Variants in TCF12 observed in about 807,000 individuals in gnomAD.
The protein encoded by TCF12 is DNA-binding protein HTF4.
A neutral mutation model predicts 86.0 loss-of-function variants in TCF12; 45 were observed. That is an observed-to-expected ratio of 0.52 (90% CI 0.41 to 0.67). The LOEUF (loss-of-function observed/expected upper bound fraction) is 0.67, where lower values mean the gene tolerates loss of function less well. Ranked by LOEUF, TCF12 falls within the 30% of genes least tolerant of loss-of-function variation. The pLI is 0.00. For missense variants in TCF12, 881 were observed against 859.9 expected (o/e 1.02, Z -0.31); for synonymous variants, 330 against 299.6 (o/e 1.10, Z -1.05).
intron 11 of TCF12, among the ~76,000 whole-genome samples, 190 bp from the exon 12 acceptor site, chr15:57,233,853 T>A (rs2059272024): frequency 6.6e-6 from 1 of 152,208 alleles, no homozygotes; most frequent in African/African-American, 2.4e-5. Flanking sequence ...TTTTTTATTA[T>A]CATCAATATA....
intron 5 of TCF12, among the ~76,000 whole-genome samples, chr15:57,155,441 A>C (rs1302660631): frequency 6.6e-6 from 1 of 152,160 alleles, no homozygotes; most frequent in African/African-American, 2.4e-5. Context: ...GCAATACTGG[A>C]GACAGCTCAA....
intron 6 of TCF12, among the ~76,000 whole-genome samples, chr15:57,187,260 T>A (rs1303611030): frequency 6.6e-6 from 1 of 152,080 alleles, no homozygotes; most frequent in Non-Finnish European, 1.5e-5. Context: ...GGGAGGGAAC[T>A]TAACTCCATT....
chr15:57,150,870 T>TGTCC (rs2053684918), intron 5 of TCF12, among the ~76,000 whole-genome samples: 1 of 70,832 alleles, frequency 1.4e-5, no homozygotes, highest in East Asian at 4.5e-4. Context: ...TCTCCCCCTC[T>TGTCC]GTCCCTTCCT....
chr15:57,254,361 A>G (rs960472976), intron 16 of TCF12, among the ~76,000 whole-genome samples: 1 of 152,068 alleles, frequency 6.6e-6, no homozygotes, highest in Non-Finnish European at 1.5e-5. Flanking sequence ...ACATACATAC[A>G]CTCATTTTTG....
At chr15:57,234,389 T>C (rs1566960024) in intron 12 of TCF12, among the ~76,000 whole-genome samples, 1 of 152,200 alleles carries the variant, frequency 6.6e-6, no homozygotes, top group African/African-American at 2.4e-5. Flanking sequence ...AAGTGGTCCA[T>C]TAAAATAAGT....
intron 3 of TCF12, among the ~76,000 whole-genome samples, chr15:56,953,818 A>G (rs2140474367): frequency 7.1e-6 from 1 of 141,154 alleles, no homozygotes; most frequent in Admixed American, 7.3e-5. Flanking sequence ...CACTGTGGCT[A>G]AAAGTTTATC....
At chr15:56,927,344 G>T (rs1255161557) in intron 3 of TCF12, among the ~76,000 whole-genome samples, 1 of 152,070 alleles carries the variant, frequency 6.6e-6, no homozygotes, top group Non-Finnish European at 1.5e-5. Context: ...AAAGCAAAAG[G>T]GGAAAAATTA....
chr15:57,279,817 A>G (rs928727592), intron 19 of TCF12, among the ~76,000 whole-genome samples: 3 of 150,792 alleles, frequency 2.0e-5, no homozygotes, highest in African/African-American at 7.3e-5. Context: ...TAAGTTTTAC[A>G]TGCTAATCCA....
rs1377898180 is a variant in TCF12 at position 57,252,476 on chromosome 15, TA to T, written c.1247del (p.Lys416ArgfsTer13). 6.2e-7 allele frequency: 1 copy of T among 1,613,934 alleles called. No homozygotes were observed. Among genetic ancestry groups the T allele is most frequent in the Admixed American group, 1.7e-5 (1 of 60,014 alleles). ...CATTTGCAAGATGCAATGTCCTTCT[TA>T]AAGGATGTCTGTGAGGTACTATTTC... ...HEHLQDAMSF[L>X]KDVCEQSRME... On this transcript the variant is annotated frameshift_variant, in exon 15 of 21. Coordinates refer to ENST00000333725, the MANE Select transcript of TCF12 (RefSeq NM_207037.2). LOFTEE classifies it high-confidence loss of function.
At chr15:57,075,919 AGTGACACGATCGTGGCCTATT>A (rs1455784432) in intron 4 of TCF12, among the ~76,000 whole-genome samples, 1 of 148,748 alleles carries the variant, frequency 6.7e-6, no homozygotes, top group African/African-American at 2.5e-5. Context: ...GCTAGAGTAC[AGTGACACGATCGTGGCCTATT>A]GCAGCATTGA....
At chr15:57,035,035 T>C in intron 3 of TCF12, among the ~76,000 whole-genome samples, 1 of 152,296 alleles carries the variant, frequency 6.6e-6, no homozygotes, top group African/African-American at 2.4e-5. Flanking sequence ...GCGCATATAT[T>C]AGAAACTAAT....
chr15:57,141,591 C>T (rs1156581217), intron 5 of TCF12, among the ~76,000 whole-genome samples: 4 of 152,184 alleles, frequency 2.6e-5, no homozygotes, highest in African/African-American at 7.2e-5. Flanking sequence ...TCACGTGATC[C>T]GCCCACCTCA....
At chr15:57,027,899 C>T (rs2065913254) in intron 3 of TCF12, among the ~76,000 whole-genome samples, 1 of 152,180 alleles carries the variant, frequency 6.6e-6, no homozygotes, top group Non-Finnish European at 1.5e-5. Flanking sequence ...GTCTCTTCTT[C>T]ACCTTCTGCC....
Position 57,288,286 on chromosome 15 carries a change from G to A in TCF12, c.*2141G>A, listed in dbSNP as rs1287262602. On this transcript the variant is annotated 3_prime_UTR_variant, in exon 21 of 21. Transcript: ENST00000333725. The stretch of plus-strand genomic sequence containing the variant: ...TAGCATACCGTGTAGTACCTATGGA[G>A]TATTGTAAGAGCTAATTGTTGGAGA... 1 of 152,602 alleles carries A rather than the reference G, an allele frequency of 6.6e-6. No individual in the cohort carries two copies. Among genetic ancestry groups the A allele is most frequent in the Admixed American group, 6.5e-5 (1 of 15,280 alleles). 9.5% of individuals were successfully genotyped at this position (152,602 alleles called of 1,614,324 possible). A position where few individuals can be genotyped will look rare whatever the true frequency, so the allele number is the denominator to read the frequency against.
chr15:57,196,801 T>C (rs1408974685), intron 7 of TCF12, among the ~76,000 whole-genome samples: 3 of 152,214 alleles, frequency 2.0e-5, no homozygotes, highest in Non-Finnish European at 4.4e-5. Context: ...GTACAGTAAT[T>C]AATGCTGTAG....
chr15:57,114,884 G>A (rs1891116592), intron 5 of TCF12, among the ~76,000 whole-genome samples: 1 of 151,824 alleles, frequency 6.6e-6, no homozygotes, highest in African/African-American at 2.4e-5. Flanking sequence ...ATGAATGAAA[G>A]CTATTTCTTA....
At chr15:57,290,852 G>A (rs1320397149), downstream of TCF12, 1 of 152,142 alleles carries the variant, frequency 6.6e-6, no homozygotes, top group Non-Finnish European at 1.5e-5. Context: ...GGAGACCTCA[G>A]GTGCACCTCA....
intron 3 of TCF12, among the ~76,000 whole-genome samples, chr15:56,925,240 G>GCCCCCCCCCCCCCCCC (rs11465192): frequency 2.5e-3 from 345 of 136,222 alleles, no homozygotes; most frequent in Non-Finnish European, 3.5e-3. Flanking sequence ...GGTGTCCACC[G>GCCCCCCCCCCCCCCCC]CCCCCCCACC....
intron 3 of TCF12, among the ~76,000 whole-genome samples, chr15:57,010,230 A>G (rs2064741265): frequency 1.3e-5 from 2 of 151,980 alleles, no homozygotes; most frequent in African/African-American, 4.8e-5. Context: ...TTTGGACTCA[A>G]GTCAAGAACA....
Sources: gnomAD v4.1 joint callset for allele counts (sites outside exome capture counted in the v4.1 genomes callset) on GRCh38, gnomAD v4.1.1 for gene constraint, MANE v1.5 for transcripts, NCBI Gene and HGNC (gene_info 2026-07-23, HGNC 2026-07-21) for gene names.